ERCC6L2: variants seen among roughly 807,000 people sequenced by gnomAD.
ERCC6L2 encodes DNA excision repair protein ERCC-6-like 2.
Under a neutral mutation model 132.0 loss-of-function variants are expected in ERCC6L2, and 77 were observed. The ratio of observed to expected loss-of-function variants is 0.58; its 90% confidence interval spans 0.49 to 0.71. The LOEUF (loss-of-function observed/expected upper bound fraction) is 0.71. Ranked by LOEUF, ERCC6L2 falls within the 30% of genes least tolerant of loss-of-function variation. The pLI, the probability that ERCC6L2 is intolerant of heterozygous loss-of-function variation, is 0.00. For synonymous variants in ERCC6L2, 583 were observed against 632.4 expected, an observed-to-expected ratio of 0.92 and a Z score of 1.17; for missense variants, 1,542 against 1,837.6, an observed-to-expected ratio of 0.84 and a Z score of 2.94.
At chr9:95,903,727 A>G (rs1828892645) in intron 3 of ERCC6L2, among the ~76,000 whole-genome samples, 1 of 152,128 alleles carries the variant, frequency 6.6e-6, no homozygotes, top group Admixed American at 6.5e-5. Context: ...TTCAGAGGAC[A>G]GTGACAGTAG....
rs145536620 is a variant in ERCC6L2, at chr9:95,918,922, C to T, written c.1159-2253C>T. Among the ~76,000 whole-genome samples the T allele has an allele frequency of 5.1e-3, 781 of 152,018 alleles. 12 individuals carry two copies. The highest frequency in any genetic ancestry group is 0.017 in the African/African-American group (697 of 41,464). ...TCACTCTGTCACCCAGGCTGGAGTG[C>T]AGTGGCGTGATCTTGGCTCACTGCA... On this transcript the variant is annotated intron_variant, in intron 6 of 18. Transcript: ENST00000653738.
At chr9:95,965,600 G>C (rs1832117560) in intron 13 of ERCC6L2, among the ~76,000 whole-genome samples, 1 of 152,050 alleles carries the variant, frequency 6.6e-6, no homozygotes, top group African/African-American at 2.4e-5. Flanking sequence ...GATTCCACTA[G>C]GTTCAAGCAA....
chr9:95,885,411 A>G (rs1363856722), intron 2 of ERCC6L2, among the ~76,000 whole-genome samples: 4 of 152,234 alleles, frequency 2.6e-5, no homozygotes, highest in African/African-American at 9.6e-5. Context: ...TGATATGTTC[A>G]ACACCATGCA....
rs1274677682 is a variant in ERCC6L2 at position 95,978,151 on chromosome 9, A to G, written c.3428A>G (p.His1143Arg). The G allele has an allele frequency of 5.1e-6, 7 of 1,367,466 alleles. No individual in the cohort carries two copies. The highest frequency in any genetic ancestry group is 4.5e-5 in the East Asian group (1 of 21,982). The allele number at this position is 1,367,466 out of a possible 1,614,324, so 84.7% of individuals were successfully genotyped here. ...AENHMSRWAA[H>R]DVFELKQFSQ... Reference sequence around the variant, plus strand: ...AATCACATGAGCCGATGGGCAGCACATGACGTATTTGAGTTGAAGCAGTTT... The same window carrying G: ...AATCACATGAGCCGATGGGCAGCACGTGACGTATTTGAGTTGAAGCAGTTT... The change falls in exon 17 of 19, where the codon CAT (histidine) becomes CGT (arginine). Residue 1143 changes from histidine (H) to arginine (R), a missense_variant. Coordinates refer to ENST00000653738, the MANE Select transcript of ERCC6L2 (RefSeq NM_020207.7).
chr9:95,899,083 TAGAAG>T (rs1828619937), intron 3 of ERCC6L2, among the ~76,000 whole-genome samples: 1 of 152,052 alleles, frequency 6.6e-6, no homozygotes, highest in Admixed American at 6.6e-5. Flanking sequence ...TGACAGCAGA[TAGAAG>T]AGAGAACAAA....
chr9:95,899,600 A>ATATATGTGTG (rs746946004), intron 3 of ERCC6L2, among the ~76,000 whole-genome samples: 40 of 134,890 alleles, frequency 3.0e-4, no homozygotes, highest in African/African-American at 6.6e-4. Context: ...TTATATATAT[A>ATATATGTGTG]TGTGTGTGTG....
chr9:95,922,475 G>C, intron 8 of ERCC6L2, 57 bp downstream of exon 8: 1 of 1,004,630 alleles, frequency 1.0e-6, no homozygotes, highest in Non-Finnish European at 1.5e-6. Flanking sequence ...ATTTTATAAA[G>C]TTTTAAAATA....
intron 17 of ERCC6L2, among the ~76,000 whole-genome samples, chr9:95,990,528 G>T (rs1316071546): frequency 6.6e-6 from 1 of 152,220 alleles, no homozygotes; most frequent in Admixed American, 6.5e-5. Flanking sequence ...CTTAATTGTA[G>T]TAGTGAGACA....
intron 4 of ERCC6L2, among the ~76,000 whole-genome samples, chr9:95,908,249 A>T (rs1357185991): frequency 6.6e-6 from 1 of 152,138 alleles, no homozygotes; most frequent in Non-Finnish European, 1.5e-5. Context: ...GGTCTCTTTG[A>T]TTAAGTTTTA....
chr9:96,039,811 A>G (rs1016714426), intron 20 of ERCC6L2, among the ~76,000 whole-genome samples: 4 of 152,130 alleles, frequency 2.6e-5, no homozygotes, highest in African/African-American at 9.7e-5. Flanking sequence ...TGCACAGAGG[A>G]TGGTGTGGCC....
At chr9:95,885,591 G>A (rs1180355406) in intron 2 of ERCC6L2, among the ~76,000 whole-genome samples, 1 of 151,062 alleles carries the variant, frequency 6.6e-6, no homozygotes, top group Non-Finnish European at 1.5e-5. Flanking sequence ...ACATTTACGT[G>A]ATAATTAGCT....
chr9:95,971,821 A>C lies in ERCC6L2; in HGVS notation c.2182-112A>C, dbSNP rs1832426167. The C allele has an allele frequency of 8.8e-5, 38 of 431,250 alleles. 1 individual carries two copies. In the South Asian group the frequency reaches 1.2e-3, roughly 14 times the overall value. 26.7% of individuals were successfully genotyped at this position (431,250 alleles called of 1,614,324 possible). ...ATTAAATGTTGTACTTTTAGAAAAT[A>C]TTAAGTGATATACTTGTACCTAAAT... is the stretch of plus-strand genomic sequence containing the variant. On this transcript the variant is annotated intron_variant, in intron 15 of 18. Transcript: ENST00000653738.
chr9:95,973,139 A>AAT, intron 16 of ERCC6L2, 51 bp downstream of exon 16: 1 of 1,158,114 alleles, frequency 8.6e-7, no homozygotes, highest in Non-Finnish European at 1.1e-6. Flanking sequence ...TGTTTTATCA[A>AAT]ATAGTTCTGT....
chr9:95,972,923 C>G lies in ERCC6L2; in HGVS notation c.3172C>G (p.Gln1058Glu). Residue 1058 changes from glutamine (Q) to glutamate (E), a missense_variant, in exon 16 of 19, where the codon CAG becomes GAG. Around this residue, in one of 4 missense-constraint regions of ERCC6L2, gnomAD observed 945 missense variants for 1,105.2 expected, o/e 0.86. Coordinates refer to ENST00000653738, the MANE Select transcript of ERCC6L2 (RefSeq NM_020207.7). ...LSVSHFSFSK[Q>E]SHRPRTIRDR... ...CGTCAGCCACTTCAGTTTCTCTAAACAGAGCCACAGACCAAGAACTATAAG... is the reference window on the plus strand; with the variant it reads ...CGTCAGCCACTTCAGTTTCTCTAAAGAGAGCCACAGACCAAGAACTATAAG... 3 of 1,306,544 alleles carry G rather than the reference C, an allele frequency of 2.3e-6. No individual in the cohort carries two copies. Among genetic ancestry groups the G allele is most frequent in the Non-Finnish European group, 3.0e-6 (3 of 989,500 alleles). 80.9% of individuals were successfully genotyped at this position (1,306,544 alleles called of 1,614,324 possible). A position where few individuals can be genotyped will look rare whatever the true frequency, so the allele number is the denominator to read the frequency against.
Position 96,012,431 on chromosome 9 carries a change from G to A in ERCC6L2, c.3881G>A (p.Arg1294Gln), listed in dbSNP as rs374216008. ...TTTGAGAAAGGAGAGCAGCGCACCC[G>A]GAAGAAATCTGATAAAAGAGAATCT... ...SSFEKGEQRTRKKSDKRESLI... is the reference protein window; with the variant it reads ...SSFEKGEQRTQKKSDKRESLI... Residue 1294 changes from arginine (R) to glutamine (Q), a missense_variant, in exon 19 of 19, where the codon CGG becomes CAG. Arg to Gln is a conservative substitution (Grantham distance 43). Around this residue, in one of 4 missense-constraint regions of ERCC6L2, gnomAD observed 442 missense variants for 583.4 expected, o/e 0.76. Transcript: ENST00000653738. The A allele has an allele frequency of 2.1e-5, 29 of 1,363,928 alleles. No homozygotes were observed. The highest frequency in any genetic ancestry group is 1.3e-4 in the Admixed American group (7 of 52,280). 84.5% of individuals were successfully genotyped at this position (1,363,928 alleles called of 1,614,324 possible).
chr9:95,946,631 GATAC>G (rs1564250536), intron 12 of ERCC6L2, among the ~76,000 whole-genome samples: 1 of 152,160 alleles, frequency 6.6e-6, no homozygotes, highest in Non-Finnish European at 1.5e-5. Flanking sequence ...TGTGTATACA[GATAC>G]ATCTCATTTT....
chr9:95,903,411 T>C (rs1433694709), intron 3 of ERCC6L2, among the ~76,000 whole-genome samples: 1 of 152,136 alleles, frequency 6.6e-6, no homozygotes, highest in Non-Finnish European at 1.5e-5. Context: ...TTATGAAAAA[T>C]AAATTTTCTC....
chr9:95,945,078 C>T (rs1280147906), intron 12 of ERCC6L2, among the ~76,000 whole-genome samples: 1 of 152,122 alleles, frequency 6.6e-6, no homozygotes, highest in African/African-American at 2.4e-5. Context: ...GGAATTTCCT[C>T]GTCCTAATAA....
chr9:95,994,536 G>A (rs1833409845), intron 17 of ERCC6L2, among the ~76,000 whole-genome samples: 1 of 152,144 alleles, frequency 6.6e-6, no homozygotes, highest in Admixed American at 6.5e-5. Context: ...TTCCACACTT[G>A]CTTAATAAAA....
Sources: gnomAD v4.1 joint callset for allele counts (sites outside exome capture counted in the v4.1 genomes callset) on GRCh38, gnomAD v4.1.1 for gene constraint, gnomAD v4.1.1 regional missense constraint, MANE v1.5 for transcripts, NCBI Gene and HGNC (gene_info 2026-07-23, HGNC 2026-07-21) for gene names.